The following B4GALT5 variants were observed in gnomAD, a reference collection of about 807,000 sequenced individuals.
The protein encoded by B4GALT5 is UDP-Gal:beta-GlcNAc beta-1,4-galactosyltransferase 5.
Under a neutral mutation model 45.0 loss-of-function variants are expected in B4GALT5, and 11 were observed. That is an observed-to-expected ratio of 0.24 (90% CI 0.15 to 0.40). The LOEUF (loss-of-function observed/expected upper bound fraction) is 0.40. B4GALT5 is among the 10% of genes least tolerant of loss of function. The pLI, the probability that B4GALT5 is intolerant of heterozygous loss-of-function variation, is 1.00. For synonymous variants in B4GALT5, 185 were observed against 182.9 expected, an observed-to-expected ratio of 1.01 and a Z score of -0.09; for missense variants, 337 against 500.2, an observed-to-expected ratio of 0.67 and a Z score of 3.11.
chr20:49,663,689 AAATATATACAT>A (rs1274356183), intron 1 of B4GALT5, among the ~76,000 whole-genome samples: 6 of 86,226 alleles, frequency 7.0e-5, no homozygotes, highest in Middle Eastern at 5.2e-3. Flanking sequence ...AAAAAAAAAA[AAATATATACAT>A]ATATATATAT....
At position 49,647,018 on chromosome 20, in the gene B4GALT5, T is replaced by C. The variant is rs150791853; in HGVS notation, c.311A>G (p.Glu104Gly). 1.0e-4 allele frequency: 169 copies of C among 1,614,062 alleles called. No homozygotes were observed. The African/African-American group carries it at 2.0e-3, about 19-fold the overall frequency. Reference sequence around the variant, plus strand: ...ATGGTTTGCAAAGTAGGTGAAGTCTTCAGGAAGAAATGTTGTAGTTTGCAG... The same window carrying C: ...ATGGTTTGCAAAGTAGGTGAAGTCTCCAGGAAGAAATGTTGTAGTTTGCAG... ...TFLQTTTFLP[E>G]DFTYFANHTC... Residue 104 changes from glutamate to glycine, a missense_variant, in exon 3 of 9, where the codon GAA (glutamate) becomes GGA (glycine). Glu to Gly is a moderately conservative substitution (Grantham distance 98). Around this residue, in one of 2 missense-constraint regions of B4GALT5, gnomAD observed 174 missense variants for 207.4 expected, o/e 0.84. Coordinates refer to ENST00000371711, the MANE Select transcript of B4GALT5 (RefSeq NM_004776.4).
chr20:49,652,447 A>G (rs796934120), intron 2 of B4GALT5, among the ~76,000 whole-genome samples: 13 of 152,170 alleles, frequency 8.5e-5, no homozygotes, highest in African/African-American at 3.1e-4. Flanking sequence ...ATAAAGAATT[A>G]GCATTCTTCA....
rs1174202399 is a variant in B4GALT5 at position 49,635,280 on chromosome 20, T to TGGAGAGCCAGAGATGTGTGTG, written c.*1011_*1031dup. ...TGATGAAAAGACAGAACACGAAGCC[T>TGGAGAGCCAGAGATGTGTGTG]GGAGAGCCAGAGATGTGTGTGCAGC... On this transcript the variant is annotated 3_prime_UTR_variant, in exon 9 of 9. Transcript: ENST00000371711. 2.6e-5 allele frequency: 3 copies of TGGAGAGCCAGAGATGTGTGTG among 117,482 alleles called. No homozygotes were observed. The highest frequency in any genetic ancestry group is 4.8e-5 in the Non-Finnish European group (3 of 61,858). The allele number at this position is 117,482 out of a possible 1,614,324, so 7.3% of individuals were successfully genotyped here. A position where few individuals can be genotyped will look rare whatever the true frequency, so the allele number is the denominator to read the frequency against.
chr20:49,700,552 G>A (rs1218052498), intron 1 of B4GALT5, among the ~76,000 whole-genome samples: 2 of 152,078 alleles, frequency 1.3e-5, no homozygotes, highest in Non-Finnish European at 2.9e-5. Flanking sequence ...CTCCAGCCTC[G>A]GCCTCCCAAA....
At chr20:49,663,371 C>T (rs1253942817) in intron 1 of B4GALT5, among the ~76,000 whole-genome samples, 1 of 151,518 alleles carries the variant, frequency 6.6e-6, no homozygotes, top group Admixed American at 6.6e-5. Flanking sequence ...GTGAGCAAAA[C>T]CCATGAATTG....
intron 7 of B4GALT5, among the ~76,000 whole-genome samples, chr20:49,639,189 G>GT: frequency 6.6e-6 from 1 of 152,160 alleles, no homozygotes; most frequent in Admixed American, 6.5e-5. Flanking sequence ...TATAATGAAC[G>GT]TATTATTTAT....
Position 49,667,657 on chromosome 20 carries a change from C to T in B4GALT5, c.116-10955G>A, listed in dbSNP as rs534987509. Among the ~76,000 whole-genome samples the T allele has an allele frequency of 3.3e-5, 5 of 152,274 alleles. No homozygotes were observed. In the South Asian group the frequency reaches 1.0e-3, roughly 32 times the overall value. Reference sequence around the variant, plus strand: ...ACCTCCCTGGCTCAAGCAGTCCTCACACTTTGGCCTCCCAAAGTGCTGGGA... The same window carrying T: ...ACCTCCCTGGCTCAAGCAGTCCTCATACTTTGGCCTCCCAAAGTGCTGGGA... On this transcript the variant is annotated intron_variant, in intron 1 of 8. Transcript: ENST00000371711.
intron 1 of B4GALT5, 85 bp from the exon 2 acceptor site, chr20:49,656,787 T>C: frequency 1.0e-5 from 16 of 1,560,954 alleles, no homozygotes; most frequent in Non-Finnish European, 1.4e-5. Context: ...GATTTTTTTT[T>C]CTTTTTGGAC....
chr20:49,688,112 C>T (rs529270209), intron 1 of B4GALT5, among the ~76,000 whole-genome samples: 2 of 152,108 alleles, frequency 1.3e-5, no homozygotes, highest in African/African-American at 4.8e-5. Flanking sequence ...GGCAGAGAAA[C>T]CAGCAGAGCT....
rs4809753 is a variant in B4GALT5, at chr20:49,708,320, A to C, written c.115+5256T>G. On this transcript the variant is annotated intron_variant, in intron 1 of 8. Coordinates refer to ENST00000371711, the MANE Select transcript of B4GALT5 (RefSeq NM_004776.4). ...TGTAGAATGTAAATGAATTATCAAC[A>C]TTCTATATATGAAAGCATCTCACTA... 2.3e-3 allele frequency among the ~76,000 whole-genome samples: 352 copies of C among 152,044 alleles called. 2 individuals are homozygous for C. The highest frequency in any genetic ancestry group is 8.3e-3 in the African/African-American group (344 of 41,492).
intron 2 of B4GALT5, among the ~76,000 whole-genome samples, chr20:49,653,294 C>A: frequency 6.6e-6 from 1 of 152,120 alleles, no homozygotes; most frequent in Non-Finnish European, 1.5e-5. Flanking sequence ...TTGGTATTTT[C>A]TGATTGGGGA....
At chr20:49,668,061 G>A (rs991919568) in intron 1 of B4GALT5, among the ~76,000 whole-genome samples, 3 of 151,920 alleles carry the variant, frequency 2.0e-5, no homozygotes, top group African/African-American at 7.3e-5. Context: ...CTGGGAGGAG[G>A]GGGGACACAT....
At chr20:49,672,022 T>C (rs1016093522) in intron 1 of B4GALT5, among the ~76,000 whole-genome samples, 13 of 152,150 alleles carry the variant, frequency 8.5e-5, no homozygotes, top group African/African-American at 3.1e-4. Context: ...CCCAAATGAT[T>C]CATAATGATC....
At position 49,633,747 on chromosome 20, in the gene B4GALT5, G is replaced by C. The variant is rs1017938762; in HGVS notation, c.*2565C>G. On this transcript the variant is annotated 3_prime_UTR_variant, in exon 9 of 9. Coordinates refer to ENST00000371711, the MANE Select transcript of B4GALT5 (RefSeq NM_004776.4). ...TATGGCAACATAGAGCTTCAAACAAGATCGCCTGACAACACTGCCGCATAC... is the reference window on the plus strand; with the variant it reads ...TATGGCAACATAGAGCTTCAAACAACATCGCCTGACAACACTGCCGCATAC... The C allele has an allele frequency of 6.6e-6, 1 of 152,448 alleles. No homozygotes were observed. Among genetic ancestry groups the C allele is most frequent in the African/African-American group, 2.4e-5 (1 of 41,444 alleles). 9.4% of individuals were successfully genotyped at this position (152,448 alleles called of 1,614,324 possible).
intron 8 of B4GALT5, among the ~76,000 whole-genome samples, chr20:49,636,907 G>GACACACGCAC (rs1555810741): frequency 6.8e-6 from 1 of 146,388 alleles, no homozygotes; most frequent in African/African-American, 2.5e-5. Flanking sequence ...ATTTAGAAAA[G>GACACACGCAC]ACACACACAC....
chr20:49,673,396 G>A (rs563339237), intron 1 of B4GALT5, among the ~76,000 whole-genome samples: 7 of 151,478 alleles, frequency 4.6e-5, no homozygotes, highest in African/African-American at 1.7e-4. Flanking sequence ...AAAACAACCA[G>A]AAAACTAGGG....
chr20:49,660,453 T>C (rs1192368911), intron 1 of B4GALT5, among the ~76,000 whole-genome samples: 3 of 152,220 alleles, frequency 2.0e-5, no homozygotes, highest in African/African-American at 7.2e-5. Context: ...CAGTTTTGGA[T>C]ATTTCTATGA....
chr20:49,639,749 T>C lies in B4GALT5; in HGVS notation c.846A>G (p.Gln282=), dbSNP rs1363007704. ...FGGVSGLTVE[Q]FRKINGFPNA... ...TAGGAAAGCCATTGATTTTCCGAAATTGTTCCACTGTTAAGCCACTCACTC... is the reference window on the plus strand; with the variant it reads ...TAGGAAAGCCATTGATTTTCCGAAACTGTTCCACTGTTAAGCCACTCACTC... The change falls in exon 7 of 9, where the codon CAA becomes CAG. Residue 282 remains glutamine (Q), a synonymous_variant. Transcript: ENST00000371711. 19 of 1,613,632 alleles carry C rather than the reference T, an allele frequency of 1.2e-5. No individual in the cohort carries two copies. The Admixed American group carries it at 1.8e-4, about 16-fold the overall frequency.
intron 1 of B4GALT5, among the ~76,000 whole-genome samples, chr20:49,686,342 T>C (rs1405820092): frequency 1.3e-5 from 2 of 152,294 alleles, no homozygotes; most frequent in East Asian, 3.9e-4. Flanking sequence ...AGAACTGCTG[T>C]ACACGCATTA....
Sources: allele counts gnomAD v4.1 joint callset (sites outside exome capture counted in the v4.1 genomes callset), GRCh38; gene constraint gnomAD v4.1.1; regional missense constraint gnomAD v4.1.1; transcripts MANE v1.5; gene names NCBI Gene and HGNC (gene_info 2026-07-23, HGNC 2026-07-21).